VPS36: variants seen among roughly 807,000 people sequenced by gnomAD.
The protein encoded by VPS36 is vacuolar protein-sorting-associated protein 36.
A neutral mutation model predicts 63.5 loss-of-function variants in VPS36; 31 were observed. That is an observed-to-expected ratio of 0.49 (90% CI 0.37 to 0.66). The LOEUF is 0.66. Among genes scored for constraint, VPS36 ranks in the 30% least tolerant of loss-of-function variants. The pLI is 0.00. For missense variants in VPS36, 338 were observed against 463.7 expected (o/e 0.73, Z 2.49); for synonymous variants, 138 against 157.2 (o/e 0.88, Z 0.91).
intron 1 of VPS36, among the ~76,000 whole-genome samples, chr13:52,445,594 G>T (rs182536556): frequency 7.2e-6 from 1 of 139,574 alleles, no homozygotes; most frequent in Non-Finnish European, 1.5e-5. Context: ...AGCTGAGATC[G>T]TGCCATTGCA....
At chr13:52,419,670 T>G (rs114863484) in intron 10 of VPS36, among the ~76,000 whole-genome samples, 1 of 151,742 alleles carries the variant, frequency 6.6e-6, no homozygotes, top group African/African-American at 2.4e-5. Flanking sequence ...AGGAAAGGAG[T>G]GTATCAAAGA....
At chr13:52,426,886 TAATA>T (rs1342380779) in intron 8 of VPS36, 99 bp downstream of exon 8, 1 of 691,076 alleles carries the variant, frequency 1.4e-6, no homozygotes, top group Non-Finnish European at 2.3e-6. Context: ...AAAACATAAA[TAATA>T]AATAAAACAG....
Position 52,450,284 on chromosome 13 carries a change from G to A in VPS36, c.96+215C>T, listed in dbSNP as rs892369160. The A allele has an allele frequency of 1.1e-4, 122 of 1,150,798 alleles. No individual in the cohort carries two copies. The African/African-American group carries it at 1.3e-3, about 13-fold the overall frequency. 71.3% of individuals were successfully genotyped at this position (1,150,798 alleles called of 1,614,324 possible). On this transcript the variant is annotated intron_variant, in intron 1 of 13. Transcript: ENST00000378060. ...GGGAACCGTGCCAAAGTTGGGACCC[G>A]CGCTGGGGAGGCAGCCGAGCGCCCC...
At chr13:52,446,876 A>G (rs557437730) in intron 1 of VPS36, among the ~76,000 whole-genome samples, 1 of 138,098 alleles carries the variant, frequency 7.2e-6, no homozygotes, top group South Asian at 2.3e-4. Context: ...AGGGCATGCC[A>G]TAATTTTTTT....
At chr13:52,449,836 A>G in intron 1 of VPS36, 1 of 801,946 alleles carries the variant, frequency 1.2e-6, no homozygotes, top group Non-Finnish European at 1.5e-6. Context: ...ATAACACTTT[A>G]CAAAACACGC....
chr13:52,428,420 G>T (rs1958124910), intron 6 of VPS36, among the ~76,000 whole-genome samples: 1 of 152,150 alleles, frequency 6.6e-6, no homozygotes, highest in South Asian at 2.1e-4. Flanking sequence ...ATCTGCAAAA[G>T]GATTTTGCTA....
At chr13:52,442,597 CT>C (rs1187247374) in intron 1 of VPS36, 152 bp from the exon 2 acceptor site, 2 of 666,844 alleles carry the variant, frequency 3.0e-6, no homozygotes, top group East Asian at 5.9e-5. Context: ...AGAACCAATG[CT>C]ACATACTTCA....
At chr13:52,434,709 T>C in intron 5 of VPS36, 84 bp downstream of exon 5, 1 of 1,326,086 alleles carries the variant, frequency 7.5e-7, no homozygotes. Context: ...TTTGGGCAAG[T>C]TCTACAATCA....
At chr13:52,447,453 G>T (rs948770850) in intron 1 of VPS36, among the ~76,000 whole-genome samples, 3 of 152,154 alleles carry the variant, frequency 2.0e-5, no homozygotes, top group African/African-American at 4.8e-5. Flanking sequence ...ATTGGCTGAG[G>T]CTACAGAAGT....
At chr13:52,427,287 A>G in intron 6 of VPS36, 68 bp from the exon 7 acceptor site, 1 of 1,540,910 alleles carries the variant, frequency 6.5e-7, no homozygotes, top group Admixed American at 1.8e-5. Context: ...AAAATGAAGC[A>G]CCCTCTATTT....
chr13:52,445,939 CAAAA>C (rs34529458), intron 1 of VPS36, among the ~76,000 whole-genome samples: 1 of 15,362 alleles, frequency 6.5e-5, no homozygotes, highest in Non-Finnish European at 1.0e-4. Flanking sequence ...GACTCTATCT[CAAAA>C]AAAAAAAAAA....
intron 1 of VPS36, among the ~76,000 whole-genome samples, chr13:52,448,635 G>A (rs1166159141): frequency 6.6e-6 from 1 of 152,238 alleles, no homozygotes; most frequent in Non-Finnish European, 1.5e-5. Flanking sequence ...AAATTTTAAA[G>A]TAAAAATTAA....
chr13:52,439,070 A>C, intron 3 of VPS36, 28 bp downstream of exon 3: 1 of 1,603,944 alleles, frequency 6.2e-7, no homozygotes, highest in Non-Finnish European at 8.5e-7. Context: ...TTTTCTGTGA[A>C]TAAAGACTGT....
At chr13:52,449,679 T>C (rs1958379452) in intron 1 of VPS36, among the ~76,000 whole-genome samples, 1 of 152,240 alleles carries the variant, frequency 6.6e-6, no homozygotes, top group South Asian at 2.1e-4. Flanking sequence ...AATTCCAGTT[T>C]ATCCATTTCA....
At chr13:52,437,378 G>C (rs1163902045) in intron 3 of VPS36, among the ~76,000 whole-genome samples, 1 of 151,960 alleles carries the variant, frequency 6.6e-6, no homozygotes, top group Admixed American at 6.6e-5. Flanking sequence ...TCATAGAACT[G>C]TCTGAAACAA....
intron 6 of VPS36, among the ~76,000 whole-genome samples, chr13:52,428,149 T>C (rs1471648831): frequency 1.3e-5 from 2 of 152,196 alleles, no homozygotes. Flanking sequence ...TGTATCTACA[T>C]AGAATCAACT....
At chr13:52,436,267 AT>A in intron 4 of VPS36, 22 bp downstream of exon 4, 5 of 1,402,334 alleles carry the variant, frequency 3.6e-6, no homozygotes, top group Non-Finnish European at 5.0e-6. Flanking sequence ...TTCTAGTACG[AT>A]TTTATTCATG....
At chr13:52,418,195 C>T in intron 10 of VPS36, 139 bp from the exon 11 acceptor site, 1 of 711,244 alleles carries the variant, frequency 1.4e-6, no homozygotes, top group Non-Finnish European at 2.2e-6. Context: ...ACAAAGGAAC[C>T]AAAGACTTCT....
intron 6 of VPS36, chr13:52,429,353 C>T: frequency 2.1e-6 from 2 of 938,470 alleles, no homozygotes; most frequent in Non-Finnish European, 2.5e-6. Context: ...TCTTCTTATC[C>T]ATGCTGGTCA....
Sources: gnomAD v4.1 joint callset for allele counts (sites outside exome capture counted in the v4.1 genomes callset) on GRCh38, gnomAD v4.1.1 for gene constraint, MANE v1.5 for transcripts, NCBI Gene and HGNC (gene_info 2026-07-23, HGNC 2026-07-21) for gene names.